IL7R: variants seen among roughly 807,000 people sequenced by gnomAD.
IL7R encodes the protein interleukin 7 receptor.
A neutral mutation model predicts 47.0 loss-of-function variants in IL7R; 38 were observed. The ratio of observed to expected loss-of-function variants is 0.81; its 90% confidence interval spans 0.62 to 1.06. The LOEUF is 1.06. Among genes scored for constraint, IL7R ranks in the 50% least tolerant of loss-of-function variants. The pLI is 0.00. For synonymous variants in IL7R, 221 were observed against 199.8 expected (o/e 1.11, Z -0.89); for missense variants, 633 against 534.8 (o/e 1.18, Z -1.81).
chr5:35,858,926 C>T (rs914549128), intron 1 of IL7R, among the ~76,000 whole-genome samples: 4 of 152,180 alleles, frequency 2.6e-5, no homozygotes, highest in Non-Finnish European at 5.9e-5. Context: ...CCAGCTCTAA[C>T]ACCACAGGTC....
At chr5:35,869,471 G>A (rs777896479) in intron 3 of IL7R, among the ~76,000 whole-genome samples, 2 of 152,176 alleles carry the variant, frequency 1.3e-5, no homozygotes, top group Non-Finnish European at 2.9e-5. Context: ...AAATGAAGAA[G>A]AGTGAGCCTC....
chr5:35,863,627 A>G (rs775506524), intron 2 of IL7R, among the ~76,000 whole-genome samples: 1 of 152,166 alleles, frequency 6.6e-6, no homozygotes, highest in Non-Finnish European at 1.5e-5. Flanking sequence ...ACCCAGAGGA[A>G]CTTTTCTTCT....
intron 1 of IL7R, 111 bp from the exon 2 acceptor site, chr5:35,860,741 A>G (rs1580851556): frequency 1.8e-6 from 2 of 1,086,910 alleles, no homozygotes; most frequent in Admixed American, 1.7e-5. Context: ...TACATAATCC[A>G]TTACTATTTC....
chr5:35,877,609 C>G lies in IL7R; in HGVS notation c.*1123C>G, dbSNP rs1437393171. The G allele has an allele frequency of 4.3e-6, 1 of 233,032 alleles. No individual in the cohort carries two copies. The highest frequency in any genetic ancestry group is 8.5e-6 in the Non-Finnish European group (1 of 118,034). The allele number at this position is 233,032 out of a possible 1,614,324, so 14.4% of individuals were successfully genotyped here. On this transcript the variant is annotated 3_prime_UTR_variant, in exon 8 of 8. Coordinates refer to ENST00000303115, the MANE Select transcript of IL7R (RefSeq NM_002185.5). ...CCCCTCCCATGTGTATAGACACTAC[C>G]CCAACCTAAATTCATCCCTAAATTG...
chr5:35,874,907 C>T (rs1005428167), intron 6 of IL7R, among the ~76,000 whole-genome samples: 1 of 152,196 alleles, frequency 6.6e-6, no homozygotes, highest in South Asian at 2.1e-4. Context: ...CTAATCCATG[C>T]TAAGGCTATG....
In IL7R at chr5:35,879,112, A is replaced by T. The variant is rs1174007863; in HGVS notation, c.*2626A>T. On this transcript the variant is annotated 3_prime_UTR_variant, in exon 8 of 8. Transcript: ENST00000303115. ...AAAATAAACCTCCTGATCGGAGACA[A>T]TGTATTAATCAGAAGTGTAAACTGC... 13 of 232,814 alleles carry T rather than the reference A, an allele frequency of 5.6e-5. No homozygotes were observed. Among genetic ancestry groups the T allele is most frequent in the Non-Finnish European group, 8.5e-6 (1 of 117,852 alleles). 14.4% of individuals were successfully genotyped at this position (232,814 alleles called of 1,614,324 possible).
Position 35,876,781 on chromosome 5 carries a change from G to T in IL7R, c.*295G>T. Reference sequence around the variant, plus strand: ...GAAAGAATGAAAGAGTAAAGGAAATGATTGAGGAGTGAGGAAGGCAGGAAG... The same window carrying T: ...GAAAGAATGAAAGAGTAAAGGAAATTATTGAGGAGTGAGGAAGGCAGGAAG... On this transcript the variant is annotated 3_prime_UTR_variant, in exon 8 of 8. Transcript: ENST00000303115. 2.3e-6 allele frequency: 1 copy of T among 442,038 alleles called. No individual in the cohort carries two copies. The highest frequency in any genetic ancestry group is 4.1e-6 in the Non-Finnish European group (1 of 244,170). 27.4% of individuals were successfully genotyped at this position (442,038 alleles called of 1,614,324 possible).
intron 2 of IL7R, among the ~76,000 whole-genome samples, chr5:35,864,003 T>A (rs1237739427): frequency 6.6e-6 from 1 of 152,154 alleles, no homozygotes; most frequent in Non-Finnish European, 1.5e-5. Flanking sequence ...ATAGAACTTA[T>A]TTTTCCCCTA....
rs2149906226 is a variant in IL7R at position 35,876,390 on chromosome 5, G to A, written c.1284G>A (p.Leu428=). 1 of 1,613,590 alleles carries A rather than the reference G, an allele frequency of 6.2e-7. No homozygotes were observed. The highest frequency in any genetic ancestry group is 8.5e-7 in the Non-Finnish European group (1 of 1,179,936). Residue 428 remains leucine (L), a synonymous_variant, in exon 8 of 8, where the codon TTG becomes TTA. Transcript: ENST00000303115. The part of the protein sequence containing the change: ...PFSLQSGILT[L]NPVAQGQPIL... ...CTCTCCAATCTGGAATCCTGACATT[G>A]AACCCAGTTGCTCAGGGTCAGCCCA...
At position 35,879,428 on chromosome 5, in the gene IL7R, G is replaced by C. The variant is rs1016442065; in HGVS notation, c.*2942G>C. ...ATTAGGTGGCATTTTTGTCAGCTCT[G>C]TGGTTTATTGTTGGGACTATTCTTT... On this transcript the variant is annotated 3_prime_UTR_variant, in exon 8 of 8. Coordinates refer to ENST00000303115, the MANE Select transcript of IL7R (RefSeq NM_002185.5). 6 of 232,812 alleles carry C rather than the reference G, an allele frequency of 2.6e-5. No individual in the cohort carries two copies. The highest frequency in any genetic ancestry group is 1.3e-4 in the African/African-American group (6 of 45,314). 14.4% of individuals were successfully genotyped at this position (232,812 alleles called of 1,614,324 possible).
chr5:35,875,161 A>AT (rs1760172240), intron 6 of IL7R, among the ~76,000 whole-genome samples: 1 of 152,238 alleles, frequency 6.6e-6, no homozygotes. Flanking sequence ...CAACACTTAA[A>AT]TTGGGAGTAA....
intron 2 of IL7R, among the ~76,000 whole-genome samples, chr5:35,865,434 C>T (rs1759916947): frequency 6.6e-6 from 1 of 152,146 alleles, no homozygotes; most frequent in Non-Finnish European, 1.5e-5. Flanking sequence ...GTGCATGTGT[C>T]TTTATAGCAG....
chr5:35,864,959 G>GT (rs908596623), intron 2 of IL7R, among the ~76,000 whole-genome samples: 6 of 151,748 alleles, frequency 4.0e-5, no homozygotes, highest in Non-Finnish European at 8.8e-5. Context: ...TTTATATTTA[G>GT]TTTTTTTAAT....
chr5:35,867,931 A>G (rs1273577895), intron 3 of IL7R, among the ~76,000 whole-genome samples: 1 of 152,132 alleles, frequency 6.6e-6, no homozygotes, highest in Non-Finnish European at 1.5e-5. Context: ...AAAGGGAATC[A>G]ATAGGAGGAT....
intron 3 of IL7R, among the ~76,000 whole-genome samples, chr5:35,870,190 T>C (rs998523612): frequency 1.1e-4 from 16 of 152,212 alleles, no homozygotes; most frequent in Non-Finnish European, 2.4e-4. Flanking sequence ...TCTCAGGACC[T>C]TTCTAGGAAA....
At position 35,873,625 on chromosome 5, in the gene IL7R, C is replaced by T. The variant is rs201412341; in HGVS notation, c.683C>T (p.Thr228Ile). 7 of 1,613,854 alleles carry T rather than the reference C, an allele frequency of 4.3e-6. No homozygotes were observed. Among genetic ancestry groups the T allele is most frequent in the African/African-American group, 1.3e-5 (1 of 74,898 alleles). ...SEWSPSYYFR[T>I]PEINNSSGEM... is the part of the protein sequence containing the mutation. Reference sequence around the variant, plus strand: ...TGGAGTCCAAGTTATTACTTCAGAACTCCAGAGATCAATAATAGCTCAGGT... The same window carrying T: ...TGGAGTCCAAGTTATTACTTCAGAATTCCAGAGATCAATAATAGCTCAGGT... Residue 228 changes from threonine (T) to isoleucine (I), a missense_variant, in exon 5 of 8, where the codon ACT becomes ATT. Coordinates refer to ENST00000303115, the MANE Select transcript of IL7R (RefSeq NM_002185.5).
At position 35,856,893 on chromosome 5, in the gene IL7R, TCCTC is replaced by T; in HGVS notation, c.-73_-70del. 7 of 822,988 alleles carry T rather than the reference TCCTC, an allele frequency of 8.5e-6. No individual in the cohort carries two copies. Among genetic ancestry groups the T allele is most frequent in the Non-Finnish European group, 1.3e-5 (6 of 468,916 alleles). 51.0% of individuals were successfully genotyped at this position (822,988 alleles called of 1,614,324 possible). ...GCCCTAGATCTAAGCTTCTCTGTCT[TCCTC>T]CCTCCCTCCCTTCCTCTTACTCTCA... On this transcript the variant is annotated 5_prime_UTR_variant, in exon 1 of 8. Transcript: ENST00000303115.
In IL7R at chr5:35,860,917, G is replaced by C; in HGVS notation, c.148G>C (p.Gly50Arg). 6.2e-7 allele frequency: 1 copy of C among 1,613,436 alleles called. No individual in the cohort carries two copies. The highest frequency in any genetic ancestry group is 8.5e-7 in the Non-Finnish European group (1 of 1,179,478). ...ATGCTATAGCCAGTTGGAAGTGAATGGATCGCAGCACTCACTGACCTGTGC... is the reference window on the plus strand; with the variant it reads ...ATGCTATAGCCAGTTGGAAGTGAATCGATCGCAGCACTCACTGACCTGTGC... ...FSCYSQLEVN[G>R]SQHSLTCAFE... The change falls in exon 2 of 8, where the codon GGA (glycine) becomes CGA (arginine). Residue 50 changes from glycine to arginine, a missense_variant. Gly to Arg is a moderately radical substitution (Grantham distance 125). Transcript: ENST00000303115.
chr5:35,867,167 G>T, intron 2 of IL7R, 139 bp from the exon 3 acceptor site: 1 of 697,402 alleles, frequency 1.4e-6, no homozygotes, highest in Non-Finnish European at 2.5e-6. Flanking sequence ...TCTCATTCCT[G>T]AACATGCCTC....
Sources: gnomAD v4.1 joint callset for allele counts (sites outside exome capture counted in the v4.1 genomes callset) on GRCh38, gnomAD v4.1.1 for gene constraint, MANE v1.5 for transcripts, NCBI Gene and HGNC (gene_info 2026-07-23, HGNC 2026-07-21) for gene names.